The following HPSE2 variants were observed in gnomAD, a reference collection of about 807,000 sequenced individuals.
HPSE2 encodes the protein heparanase 2 (inactive).
In HPSE2, 38 loss-of-function variants were observed where a neutral mutation model predicts 60.5. That is an observed-to-expected ratio of 0.63 (90% CI 0.48 to 0.82). HPSE2 has a LOEUF of 0.82. Ranked by LOEUF, HPSE2 falls within the 40% of genes least tolerant of loss-of-function variation. The pLI is 0.00. For synonymous variants in HPSE2, 295 were observed against 293.2 expected (o/e 1.01, Z -0.06); for missense variants, 713 against 740.4 (o/e 0.96, Z 0.43).
intron 3 of HPSE2, among the ~76,000 whole-genome samples, chr10:98,977,513 A>G (rs1371609739): frequency 1.3e-5 from 2 of 152,148 alleles, no homozygotes; most frequent in Non-Finnish European, 2.9e-5. Context: ...ATTTTCTTGT[A>G]ATCAATAACA....
At chr10:98,982,823 TGATA>T (rs1197180487) in intron 3 of HPSE2, among the ~76,000 whole-genome samples, 1 of 152,194 alleles carries the variant, frequency 6.6e-6, no homozygotes, top group African/African-American at 2.4e-5. Flanking sequence ...TGTCAAATTC[TGATA>T]GTTAATTATT....
rs138072519 is a variant in HPSE2 at position 98,872,596 on chromosome 10, T to C, written c.611-128540A>G. On this transcript the variant is annotated intron_variant, in intron 3 of 11. Coordinates refer to ENST00000370552, the MANE Select transcript of HPSE2 (RefSeq NM_021828.5). Reference sequence around the variant, plus strand: ...AATCTCAGGTCTGATATGCTAGTTATACTTTTTAATCCATAGGAAATTAAA... The same window carrying C: ...AATCTCAGGTCTGATATGCTAGTTACACTTTTTAATCCATAGGAAATTAAA... 5.5e-3 allele frequency among the ~76,000 whole-genome samples: 837 copies of C among 152,236 alleles called. 5 individuals are homozygous for C. The highest frequency in any genetic ancestry group is 0.019 in the African/African-American group (793 of 41,542).
the HPSE2 span, among the ~76,000 whole-genome samples, chr10:99,263,800 A>G: frequency 6.6e-6 from 1 of 151,770 alleles, no homozygotes; most frequent in Non-Finnish European, 1.5e-5. Context: ...AACCTCTTGC[A>G]TGTAGGTTAC....
At chr10:98,886,167 T>A (rs1039377068) in intron 3 of HPSE2, among the ~76,000 whole-genome samples, 4 of 152,094 alleles carry the variant, frequency 2.6e-5, no homozygotes, top group African/African-American at 9.7e-5. Flanking sequence ...CTAAGACTAT[T>A]TTTGCCATAA....
chr10:99,097,039 T>C (rs1333468448), intron 3 of HPSE2, among the ~76,000 whole-genome samples: 1 of 152,156 alleles, frequency 6.6e-6, no homozygotes, highest in Non-Finnish European at 1.5e-5. Context: ...TTTAGGAGCA[T>C]ATGCAAATAT....
intron 3 of HPSE2, among the ~76,000 whole-genome samples, chr10:98,962,675 G>T (rs555303518): frequency 3.2e-4 from 48 of 150,210 alleles, no homozygotes; most frequent in Middle Eastern, 3.4e-3. Context: ...TGTTTATCTA[G>T]AAAACCCCAT....
At chr10:99,013,406 C>G in intron 3 of HPSE2, 1 of 537,808 alleles carries the variant, frequency 1.9e-6, no homozygotes, top group Non-Finnish European at 3.5e-6. Flanking sequence ...GTAAGTGTTT[C>G]AGGAAGAACG....
intron 7 of HPSE2, among the ~76,000 whole-genome samples, chr10:98,630,107 T>C (rs1252512748): frequency 6.6e-6 from 1 of 152,108 alleles, no homozygotes; most frequent in East Asian, 1.9e-4. Flanking sequence ...TCTTCCCCCA[T>C]TGCTCCCCTG....
intron 3 of HPSE2, among the ~76,000 whole-genome samples, chr10:98,797,722 T>C (rs1051971063): frequency 4.6e-5 from 7 of 151,974 alleles, no homozygotes; most frequent in Non-Finnish European, 8.8e-5. Flanking sequence ...TGGGCGTCTG[T>C]AGTCCCAGCT....
At chr10:98,559,780 T>G (rs1185280592) in intron 9 of HPSE2, among the ~76,000 whole-genome samples, 1 of 152,146 alleles carries the variant, frequency 6.6e-6, no homozygotes, top group African/African-American at 2.4e-5. Context: ...GTGGGAAGTC[T>G]GAGATTTATT....
At chr10:98,923,081 G>A (rs938684276) in intron 3 of HPSE2, among the ~76,000 whole-genome samples, 2 of 152,140 alleles carry the variant, frequency 1.3e-5, no homozygotes, top group African/African-American at 4.8e-5. Context: ...TTATAGGATA[G>A]GTATGGTATT....
chr10:99,029,485 T>G (rs915167987), intron 3 of HPSE2, among the ~76,000 whole-genome samples: 7 of 152,096 alleles, frequency 4.6e-5, no homozygotes, highest in African/African-American at 1.7e-4. Flanking sequence ...ATTTATTGGA[T>G]ACAAAGCAAA....
At chr10:99,140,119 G>A (rs999806481) in intron 3 of HPSE2, among the ~76,000 whole-genome samples, 7 of 152,054 alleles carry the variant, frequency 4.6e-5, no homozygotes. Context: ...TGTGCTAACT[G>A]AAAAAACAGT....
At chr10:98,470,247 G>A (rs1940722278) in intron 11 of HPSE2, among the ~76,000 whole-genome samples, 1 of 152,190 alleles carries the variant, frequency 6.6e-6, no homozygotes, top group Non-Finnish European at 1.5e-5. Context: ...GACATCAGGT[G>A]TACTGGTATA....
chr10:99,153,002 G>T (rs528496500), intron 2 of HPSE2, among the ~76,000 whole-genome samples: 3 of 152,232 alleles, frequency 2.0e-5, no homozygotes, highest in African/African-American at 7.2e-5. Flanking sequence ...AGGGCACCTG[G>T]AAAATCGGGT....
intron 3 of HPSE2, among the ~76,000 whole-genome samples, chr10:99,045,218 C>T (rs952520482): frequency 6.6e-6 from 1 of 152,100 alleles, no homozygotes; most frequent in African/African-American, 2.4e-5. Context: ...CAAAACTACA[C>T]AAATACATGG....
At chr10:99,212,574 C>G (rs1353299891) in intron 2 of HPSE2, among the ~76,000 whole-genome samples, 1 of 151,962 alleles carries the variant, frequency 6.6e-6, no homozygotes, top group Non-Finnish European at 1.5e-5. Context: ...AGAATACTAC[C>G]ACACAATCTC....
intron 3 of HPSE2, among the ~76,000 whole-genome samples, chr10:99,043,245 G>T (rs937848396): frequency 6.6e-6 from 1 of 152,196 alleles, no homozygotes; most frequent in Non-Finnish European, 1.5e-5. Context: ...AGCACTTTGG[G>T]AGGCCAAGGC....
intron 3 of HPSE2, among the ~76,000 whole-genome samples, chr10:99,017,476 CTTAAG>C (rs1184781506): frequency 2.0e-5 from 3 of 152,232 alleles, no homozygotes; most frequent in African/African-American, 4.8e-5. Context: ...GGATATTGCC[CTTAAG>C]TTGTCTTTTT....
Sources: gnomAD v4.1 joint callset for allele counts (sites outside exome capture counted in the v4.1 genomes callset) on GRCh38, gnomAD v4.1.1 for gene constraint, MANE v1.5 for transcripts, NCBI Gene and HGNC (gene_info 2026-07-23, HGNC 2026-07-21) for gene names.